Variants in TNRC6A observed in about 807,000 individuals in gnomAD.
The protein encoded by TNRC6A is trinucleotide repeat containing adaptor 6A, also known as trinucleotide repeat-containing gene 6A protein.
TNRC6A carries 44 observed loss-of-function variants against 221.2 expected under a neutral mutation model. That is an observed-to-expected ratio of 0.20 (90% CI 0.16 to 0.26). The LOEUF is 0.26. TNRC6A is among the 10% of genes least tolerant of loss of function. TNRC6A has a pLI of 1.00. For synonymous variants in TNRC6A, 847 were observed against 838.5 expected (o/e 1.01, Z -0.18); for missense variants, 2,199 against 2,404.4 (o/e 0.91, Z 1.79).
intron 1 of TNRC6A, among the ~76,000 whole-genome samples, chr16:24,618,642 ATTTTTTTTTTT>A (rs61228496): frequency 6.8e-5 from 6 of 88,040 alleles, no homozygotes; most frequent in African/African-American, 2.7e-4. Flanking sequence ...CATTTCATGA[ATTTTTTTTTTT>A]TTTTTTTTTT....
At position 24,802,832 on chromosome 16, in the gene TNRC6A, G is replaced by C. The variant is rs79032532; in HGVS notation, c.3695-1345G>C. ...AGCATGGGTAGAGGAAGAGAAACCA[G>C]AATGGACAGATGGTGAGGAGGGGTG... On this transcript the variant is annotated intron_variant, in intron 11 of 24. Transcript: ENST00000395799. Among the ~76,000 whole-genome samples the C allele has an allele frequency of 8.7e-3, 1,318 of 152,302 alleles. 22 individuals are homozygous for C. Among genetic ancestry groups the C allele is most frequent in the African/African-American group, 0.03 (1,252 of 41,564 alleles).
At chr16:24,761,946 G>C (rs1183291173) in intron 4 of TNRC6A, among the ~76,000 whole-genome samples, 4 of 152,018 alleles carry the variant, frequency 2.6e-5, no homozygotes, top group Non-Finnish European at 5.9e-5. Context: ...TTTTTCCTCT[G>C]TCTCTTCCCC....
intron 2 of TNRC6A, among the ~76,000 whole-genome samples, chr16:24,731,981 C>G (rs767246093): frequency 1.3e-5 from 2 of 152,166 alleles, no homozygotes; most frequent in Non-Finnish European, 2.9e-5. Flanking sequence ...CATGTACAGT[C>G]TAGTAGAAAG....
At chr16:24,782,965 A>C (rs1297376979) in intron 5 of TNRC6A, among the ~76,000 whole-genome samples, 1 of 152,204 alleles carries the variant, frequency 6.6e-6, no homozygotes, top group African/African-American at 2.4e-5. Context: ...ACATTGTAAA[A>C]CATAAATATT....
chr16:24,711,251 T>C (rs1454751444), intron 2 of TNRC6A, among the ~76,000 whole-genome samples: 3 of 151,280 alleles, frequency 2.0e-5, no homozygotes, highest in East Asian at 3.9e-4. Flanking sequence ...CAAATGATCA[T>C]CCCGCCTCGG....
intron 2 of TNRC6A, among the ~76,000 whole-genome samples, chr16:24,644,488 T>A (rs1026009614): frequency 6.6e-6 from 1 of 152,054 alleles, no homozygotes; most frequent in Admixed American, 6.6e-5. Context: ...GAGATAGGGT[T>A]TCACTACGTT....
intron 1 of TNRC6A, among the ~76,000 whole-genome samples, chr16:24,613,971 A>T (rs1382066273): frequency 6.6e-6 from 1 of 151,952 alleles, no homozygotes; most frequent in Non-Finnish European, 1.5e-5. Flanking sequence ...ATCACTTATA[A>T]CTCCTAACTC....
intron 11 of TNRC6A, among the ~76,000 whole-genome samples, chr16:24,798,924 A>G (rs530097090): frequency 6.6e-6 from 1 of 152,370 alleles, no homozygotes; most frequent in South Asian, 2.1e-4. Flanking sequence ...AGCATGCCCA[A>G]GAAAGAACCC....
intron 1 of TNRC6A, among the ~76,000 whole-genome samples, chr16:24,616,495 C>A (rs1021721128): frequency 6.6e-6 from 1 of 152,046 alleles, no homozygotes; most frequent in Non-Finnish European, 1.5e-5. Context: ...AGAAGCCACG[C>A]AAAATATGAG....
At chr16:24,659,064 C>T (rs1473395122) in intron 2 of TNRC6A, among the ~76,000 whole-genome samples, 1 of 151,924 alleles carries the variant, frequency 6.6e-6, no homozygotes, top group Non-Finnish European at 1.5e-5. Context: ...CCGCCTCAGT[C>T]TCCCAAAGTG....
intron 1 of TNRC6A, among the ~76,000 whole-genome samples, chr16:24,613,675 C>T (rs1362127657): frequency 6.6e-6 from 1 of 151,692 alleles, no homozygotes; most frequent in Non-Finnish European, 1.5e-5. Context: ...TTACAAGTGT[C>T]TGCCACCATG....
chr16:24,642,253 C>A (rs1901988630), intron 2 of TNRC6A, among the ~76,000 whole-genome samples: 1 of 152,118 alleles, frequency 6.6e-6, no homozygotes, highest in Non-Finnish European at 1.5e-5. Flanking sequence ...AGAAACTGAG[C>A]AATGTTGTCC....
chr16:24,730,197 T>C, intron 1 of TNRC6A, 56 bp from the exon 2 acceptor site: 1 of 1,415,998 alleles, frequency 7.1e-7, no homozygotes, highest in South Asian at 1.2e-5. Context: ...TTCACGCGCA[T>C]CTCGTTTTTG....
In TNRC6A at chr16:24,824,720, C is replaced by T. The variant is rs1448181302; in HGVS notation, c.*913C>T. 2 of 151,128 alleles carry T rather than the reference C, an allele frequency of 1.3e-5. No individual in the cohort carries two copies. The highest frequency in any genetic ancestry group is 2.9e-5 in the Non-Finnish European group (2 of 67,860). The allele number at this position is 151,128 out of a possible 1,614,324, so 9.4% of individuals were successfully genotyped here. A position where few individuals can be genotyped will look rare whatever the true frequency, so the allele number is the denominator to read the frequency against. Reference sequence around the variant, plus strand: ...GCCATGTTCTTTTGTTTTTCTATTCCTGTCCCAAATCAAAGAGCATGGTTC... The same window carrying T: ...GCCATGTTCTTTTGTTTTTCTATTCTTGTCCCAAATCAAAGAGCATGGTTC... On this transcript the variant is annotated 3_prime_UTR_variant, in exon 25 of 25. Transcript: ENST00000395799.
chr16:24,756,896 G>T (rs1430838519), intron 3 of TNRC6A, among the ~76,000 whole-genome samples: 4 of 150,280 alleles, frequency 2.7e-5, no homozygotes, highest in Admixed American at 6.6e-5. Context: ...TGTTTGTTTT[G>T]TTTTTTTTTA....
chr16:24,820,287 C>T lies in TNRC6A; in HGVS notation c.5229C>T (p.Pro1743=). The T allele has an allele frequency of 6.2e-7, 1 of 1,614,136 alleles. No individual in the cohort carries two copies. Among genetic ancestry groups the T allele is most frequent in the South Asian group, 1.1e-5 (1 of 91,076 alleles). Residue 1743 remains proline, a synonymous_variant, in exon 22 of 25, where the codon CCC becomes CCT. Coordinates refer to ENST00000395799, the MANE Select transcript of TNRC6A (RefSeq NM_014494.4). ...CGGGACTGACTGGTCAGAAGCCACC[C>T]TTGTCTACGTGGGATAATTCTCCCC... ...PPPGLTGQKP[P]LSTWDNSPLR...
rs1019244867 is a variant in TNRC6A, at chr16:24,797,648, A to G, written c.3642+78A>G. The G allele has an allele frequency of 1.9e-5, 24 of 1,239,736 alleles. 1 individual carries two copies. In the Admixed American group the frequency reaches 2.0e-4, roughly 10 times the overall value. The allele number at this position is 1,239,736 out of a possible 1,614,324, so 76.8% of individuals were successfully genotyped here. ...TATCTTGATTTCACTCTTTTTAAGA[A>G]TTATTTTTCATCTTCGAGTCCTTAG... On this transcript the variant is annotated intron_variant, in intron 10 of 24. Coordinates refer to ENST00000395799, the MANE Select transcript of TNRC6A (RefSeq NM_014494.4).
intron 2 of TNRC6A, among the ~76,000 whole-genome samples, chr16:24,666,444 G>T (rs2055162547): frequency 7.1e-6 from 1 of 141,688 alleles, no homozygotes; most frequent in African/African-American, 2.6e-5. Context: ...CTGCACTCCA[G>T]CCTGGGAACA....
chr16:24,796,581 G>C (rs1208567716), intron 9 of TNRC6A, among the ~76,000 whole-genome samples: 1 of 152,156 alleles, frequency 6.6e-6, no homozygotes, highest in Non-Finnish European at 1.5e-5. Flanking sequence ...CAACTAGTTA[G>C]GTATGGGGAT....
Sources: allele counts gnomAD v4.1 joint callset (sites outside exome capture counted in the v4.1 genomes callset), GRCh38; gene constraint gnomAD v4.1.1; transcripts MANE v1.5; gene names NCBI Gene and HGNC (gene_info 2026-07-23, HGNC 2026-07-21).